The following LMO7 variants were observed in gnomAD, a reference collection of about 807,000 sequenced individuals.
LMO7 encodes the protein LIM domain 7.
A neutral mutation model predicts 206.5 loss-of-function variants in LMO7; 120 were observed. The ratio of observed to expected loss-of-function variants is 0.58; its 90% CI spans 0.50 to 0.68. The LOEUF (loss-of-function observed/expected upper bound fraction) is 0.68. LMO7 is among the 30% of genes least tolerant of loss of function. The pLI is 0.00. For missense variants in LMO7, 1,959 were observed against 1,957.9 expected (o/e 1.00, Z -0.01); for synonymous variants, 706 against 681.5 (o/e 1.04, Z -0.56).
intron 1 of LMO7, among the ~76,000 whole-genome samples, chr13:75,689,750 C>T (rs528855061): frequency 1.3e-5 from 2 of 152,364 alleles, no homozygotes; most frequent in South Asian, 4.1e-4. Context: ...CTTGGACCTA[C>T]ACCAGCGGTT....
At chr13:75,718,563 A>T (rs868632228) in intron 2 of LMO7, among the ~76,000 whole-genome samples, 5 of 152,100 alleles carry the variant, frequency 3.3e-5, no homozygotes, top group East Asian at 1.9e-4. Flanking sequence ...GCCCCCACAT[A>T]TGCACAGCCT....
intron 1 of LMO7, among the ~76,000 whole-genome samples, chr13:75,647,371 T>C (rs1253869477): frequency 6.6e-6 from 1 of 152,224 alleles, no homozygotes; most frequent in Non-Finnish European, 1.5e-5. Context: ...CTTTTTCAAG[T>C]TCTGTTCTAG....
chr13:75,690,997 TTATA>T (rs1276147978), intron 1 of LMO7, among the ~76,000 whole-genome samples: 2 of 152,086 alleles, frequency 1.3e-5, no homozygotes, highest in Non-Finnish European at 2.9e-5. Flanking sequence ...TTATACATAT[TTATA>T]ATATATATGT....
At chr13:75,679,111 A>G (rs9544020) in intron 1 of LMO7, among the ~76,000 whole-genome samples, 62,524 of 152,026 alleles carry the variant, frequency 0.41, 14,023 homozygotes, top group Middle Eastern at 0.52. Context: ...TTTTCATGAC[A>G]CAGAATATTT....
intron 4 of LMO7, among the ~76,000 whole-genome samples, chr13:75,785,912 A>G (rs968721599): frequency 3.9e-5 from 6 of 152,216 alleles, no homozygotes; most frequent in Non-Finnish European, 7.3e-5. Context: ...CTAGTTTAGT[A>G]TTCTTTTAAG....
chr13:75,728,392 T>C (rs2044705073), intron 3 of LMO7, among the ~76,000 whole-genome samples: 2 of 152,360 alleles, frequency 1.3e-5, no homozygotes, highest in South Asian at 4.1e-4. Flanking sequence ...GAGTATTTTT[T>C]CATGTGTCTT....
intron 1 of LMO7, among the ~76,000 whole-genome samples, chr13:75,663,188 T>C (rs944550347): frequency 3.9e-5 from 6 of 151,934 alleles, no homozygotes; most frequent in Non-Finnish European, 8.8e-5. Flanking sequence ...GTATATATTC[T>C]TTTGGGTTGA....
At chr13:75,747,944 G>A (rs2139353656) in intron 3 of LMO7, among the ~76,000 whole-genome samples, 1 of 152,282 alleles carries the variant, frequency 6.6e-6, no homozygotes, top group Middle Eastern at 3.4e-3. Context: ...CTCATGTATA[G>A]GGACCAACTA....
upstream of LMO7, among the ~76,000 whole-genome samples, chr13:75,634,165 C>T (rs1047246146): frequency 6.6e-6 from 1 of 151,848 alleles, no homozygotes; most frequent in African/African-American, 2.4e-5. Context: ...AATCTCCTAT[C>T]TTTAAAACTC....
intron 2 of LMO7, among the ~76,000 whole-genome samples, chr13:75,716,186 T>C (rs1035356181): frequency 1.3e-5 from 2 of 152,202 alleles, no homozygotes; most frequent in South Asian, 4.1e-4. Flanking sequence ...AATCCATTAG[T>C]AGTACTCTTT....
chr13:75,737,777 T>TAAAAAAAAAA (rs1391839155), intron 3 of LMO7, among the ~76,000 whole-genome samples: 1 of 22,702 alleles, frequency 4.4e-5, no homozygotes, highest in Non-Finnish European at 6.9e-5. Flanking sequence ...TAAAATAAAA[T>TAAAAAAAAAA]AAAATAAAAA....
At chr13:75,704,570 G>C (rs1050488984) in intron 1 of LMO7, among the ~76,000 whole-genome samples, 2 of 152,190 alleles carry the variant, frequency 1.3e-5, no homozygotes, top group Non-Finnish European at 2.9e-5. Context: ...ATATGGTGGA[G>C]AGTGCTTTTG....
chr13:75,702,477 G>T (rs1174723652), intron 1 of LMO7, among the ~76,000 whole-genome samples: 2 of 152,112 alleles, frequency 1.3e-5, no homozygotes, highest in Non-Finnish European at 2.9e-5. Flanking sequence ...AGTTGGCTTT[G>T]GTTTTGCTAT....
At chr13:75,662,883 A>G (rs1464994221) in intron 1 of LMO7, among the ~76,000 whole-genome samples, 1 of 152,198 alleles carries the variant, frequency 6.6e-6, no homozygotes, top group East Asian at 1.9e-4. Context: ...TTGGTGGTTT[A>G]GGTCTTATAA....
chr13:75,804,226 G>C lies in LMO7; in HGVS notation c.662-63G>C, dbSNP rs994839494. 248 of 1,533,496 alleles carry C rather than the reference G, an allele frequency of 1.6e-4. 1 individual carries two copies. Among genetic ancestry groups the C allele is most frequent in the Non-Finnish European group, 2.2e-4 (243 of 1,128,218 alleles). The allele number at this position is 1,533,496 out of a possible 1,614,324, so 95.0% of individuals were successfully genotyped here. A position where few individuals can be genotyped will look rare whatever the true frequency, so the allele number is the denominator to read the frequency against. On this transcript the variant is annotated intron_variant, in intron 7 of 30. Transcript: ENST00000377534. ...AAGGGAAAGACAAAGCAGGCGCGCT[G>C]TGTGGGTTTCAGTTAGGCGAATAAT...
chr13:75,746,702 T>C (rs186386041), intron 3 of LMO7, among the ~76,000 whole-genome samples: 1 of 152,286 alleles, frequency 6.6e-6, no homozygotes, highest in East Asian at 1.9e-4. Flanking sequence ...CTTGACATTA[T>C]GTTCATTTTA....
chr13:75,749,531 C>T (rs776254907), intron 3 of LMO7, among the ~76,000 whole-genome samples: 8 of 152,100 alleles, frequency 5.3e-5, no homozygotes, highest in African/African-American at 1.4e-4. Context: ...AATTGTAACC[C>T]GAGTGGATGA....
intron 27 of LMO7, among the ~76,000 whole-genome samples, chr13:75,849,503 T>TTTC (rs1455983214): frequency 6.6e-6 from 1 of 151,578 alleles, no homozygotes; most frequent in Non-Finnish European, 1.5e-5. Context: ...TTTTTTTCTT[T>TTTC]TTTTTTTACT....
intron 3 of LMO7, among the ~76,000 whole-genome samples, chr13:75,733,412 G>T (rs2045472578): frequency 6.6e-6 from 1 of 152,212 alleles, no homozygotes; most frequent in Non-Finnish European, 1.5e-5. Flanking sequence ...GACTCCGTGG[G>T]CGTAGGACCC....
Sources: allele counts gnomAD v4.1 joint callset (sites outside exome capture counted in the v4.1 genomes callset), GRCh38; gene constraint gnomAD v4.1.1; transcripts MANE v1.5; gene names NCBI Gene and HGNC (gene_info 2026-07-23, HGNC 2026-07-21).